The following CNR2 variants were observed in gnomAD, a reference collection of about 807,000 sequenced individuals.
CNR2 encodes the protein cannabinoid receptor 2 (macrophage).
For synonymous variants in CNR2, 172 were observed against 182.2 expected, an observed-to-expected ratio of 0.94 and a Z score of 0.45; for missense variants, 379 against 439.9, an observed-to-expected ratio of 0.86 and a Z score of 1.24.
At chr1:23,902,477 C>G (rs1249844773) in intron 1 of CNR2, 2 of 1,603,172 alleles carry the variant, frequency 1.2e-6, no homozygotes, top group Admixed American at 1.7e-5. Context: ...GCACCGTATC[C>G]GCTTCCAGAT....
At chr1:23,877,366 T>G in intron 1 of CNR2, among the ~76,000 whole-genome samples, 1 of 152,208 alleles carries the variant, frequency 6.6e-6, no homozygotes, top group South Asian at 2.1e-4. Context: ...CCGGGCACGG[T>G]GGCTCACGCC....
At chr1:23,902,408 G>C in intron 1 of CNR2, 1 of 1,587,662 alleles carries the variant, frequency 6.3e-7, no homozygotes, top group Non-Finnish European at 8.6e-7. Context: ...CCAGAAAGTT[G>C]ACGCAGGCTT....
intron 1 of CNR2, among the ~76,000 whole-genome samples, chr1:23,906,699 A>G (rs1328147363): frequency 1.3e-5 from 2 of 151,734 alleles, no homozygotes; most frequent in African/African-American, 4.8e-5. Context: ...ACTTCTTAAA[A>G]GTAATTTTAT....
Position 23,872,132 on chromosome 1 carries a change from C to CAAAAAAAAAAA in CNR2, c.*2392_*2402dup, listed in dbSNP as rs60331310. The stretch of plus-strand genomic sequence containing the variant: ...TGGACAACAGAATGAGATTCCGTCT[C>CAAAAAAAAAAA]AAAAAAAAAAAAAAAAAAAAAAAAG... On this transcript the variant is annotated 3_prime_UTR_variant, in exon 2 of 2. Transcript: ENST00000374472. 1 of 46,414 alleles carries CAAAAAAAAAAA rather than the reference C, an allele frequency of 2.2e-5. No homozygotes were observed. The highest frequency in any genetic ancestry group is 8.1e-5 in the African/African-American group (1 of 12,310). 2.9% of individuals were successfully genotyped at this position (46,414 alleles called of 1,614,324 possible).
intron 1 of CNR2, among the ~76,000 whole-genome samples, chr1:23,908,238 C>A (rs1369525501): frequency 6.6e-6 from 1 of 152,032 alleles, no homozygotes; most frequent in Non-Finnish European, 1.5e-5. Flanking sequence ...CTGGGCCTCC[C>A]AAAGTGCTGG....
chr1:23,902,043 G>A, intron 1 of CNR2: 2 of 1,593,386 alleles, frequency 1.3e-6, no homozygotes, highest in Non-Finnish European at 1.7e-6. Flanking sequence ...TGTCTGACTG[G>A]GCAGCGCCGT....
chr1:23,908,512 G>A (rs4387128), intron 1 of CNR2, among the ~76,000 whole-genome samples: 145,406 of 152,290 alleles, frequency 0.95, 69,773 homozygotes, highest in East Asian at 1. Flanking sequence ...TAAAAAAATG[G>A]AAACAGGCAT....
chr1:23,878,658 C>A (rs982058135), intron 1 of CNR2, among the ~76,000 whole-genome samples: 5 of 152,152 alleles, frequency 3.3e-5, no homozygotes, highest in African/African-American at 1.2e-4. Context: ...GGATTATAGG[C>A]GTGAGCCACC....
chr1:23,904,377 T>C (rs960379097), intron 1 of CNR2, among the ~76,000 whole-genome samples: 1 of 152,056 alleles, frequency 6.6e-6, no homozygotes, highest in African/African-American at 2.4e-5. Context: ...GGCTTCACCA[T>C]GTTGGCCAGG....
rs1050808646 is a variant in CNR2, at chr1:23,871,559, G to C, written c.*2976C>G. Reference sequence around the variant, plus strand: ...CCAGATCCCTTCAGATGCTCTGCTGGGTCCTGACTGAGCACTGGGGATGCA... The same window carrying C: ...CCAGATCCCTTCAGATGCTCTGCTGCGTCCTGACTGAGCACTGGGGATGCA... On this transcript the variant is annotated 3_prime_UTR_variant, in exon 2 of 2. Transcript: ENST00000374472. 1 of 152,190 alleles carries C rather than the reference G, an allele frequency of 6.6e-6. No homozygotes were observed. The highest frequency in any genetic ancestry group is 2.4e-5 in the African/African-American group (1 of 41,432). 9.4% of individuals were successfully genotyped at this position (152,190 alleles called of 1,614,324 possible).
At chr1:23,886,310 A>G (rs1193639920) in intron 1 of CNR2, among the ~76,000 whole-genome samples, 1 of 152,166 alleles carries the variant, frequency 6.6e-6, no homozygotes, top group Admixed American at 6.6e-5. Flanking sequence ...TGCAATCTGC[A>G]TAACCCCTGT....
intron 1 of CNR2, chr1:23,907,894 G>C (rs11488709): frequency 1.3e-5 from 2 of 150,656 alleles, no homozygotes; most frequent in Non-Finnish European, 3.0e-5. Context: ...ACGATGTAAA[G>C]CCATATATCA....
At chr1:23,886,425 C>T (rs1557526931) in intron 1 of CNR2, among the ~76,000 whole-genome samples, 1 of 152,166 alleles carries the variant, frequency 6.6e-6, no homozygotes, top group Non-Finnish European at 1.5e-5. Context: ...TTTCCTGTTG[C>T]TCTGTGCGTC....
rs1026653833 is a variant in CNR2 at position 23,901,771 on chromosome 1, G to A, written c.-46+11475C>T. 5 of 1,477,584 alleles carry A rather than the reference G, an allele frequency of 3.4e-6. No individual in the cohort carries two copies. The African/African-American group carries it at 4.2e-5, about 12-fold the overall frequency. The allele number at this position is 1,477,584 out of a possible 1,614,324, so 91.5% of individuals were successfully genotyped here. A position where few individuals can be genotyped will look rare whatever the true frequency, so the allele number is the denominator to read the frequency against. On this transcript the variant is annotated intron_variant, in intron 1 of 1. Transcript: ENST00000374472. ...CAAGCCTCTTGAGCTCAATCTTCAC[G>A]CTGTACTCAGCCTTCCCAGAGCTGG...
At chr1:23,901,100 C>T (rs971027433) in intron 1 of CNR2, among the ~76,000 whole-genome samples, 23 of 152,008 alleles carry the variant, frequency 1.5e-4, no homozygotes, top group African/African-American at 4.8e-4. Flanking sequence ...GACTTTTTGC[C>T]GATTTTAGAT....
chr1:23,880,195 TGAGA>T (rs1639955516), intron 1 of CNR2, among the ~76,000 whole-genome samples: 2 of 150,666 alleles, frequency 1.3e-5, no homozygotes. Context: ...CTTTTTTTTT[TGAGA>T]CGGAGTCTCA....
intron 1 of CNR2, among the ~76,000 whole-genome samples, chr1:23,889,534 G>A (rs748438091): frequency 3.3e-5 from 5 of 152,096 alleles, no homozygotes; most frequent in Non-Finnish European, 7.4e-5. Flanking sequence ...ATATTGCTCA[G>A]GCTGGTCTCA....
At chr1:23,897,958 G>A (rs1447744117) in intron 1 of CNR2, among the ~76,000 whole-genome samples, 1 of 152,108 alleles carries the variant, frequency 6.6e-6, no homozygotes, top group Non-Finnish European at 1.5e-5. Context: ...CACTGTGAAA[G>A]GCCTTTTACA....
In CNR2 at chr1:23,875,014, A is replaced by G; in HGVS notation, c.604T>C (p.Phe202Leu). 1 of 1,609,142 alleles carries G rather than the reference A, an allele frequency of 6.2e-7. No individual in the cohort carries two copies. Among genetic ancestry groups the G allele is most frequent in the Non-Finnish European group, 8.5e-7 (1 of 1,177,686 alleles). Residue 202 changes from phenylalanine to leucine, a missense_variant, in exon 2 of 2, where the codon TTT becomes CTT. Physicochemically the swap from Phe to Leu is conservative, Grantham distance 22. Transcript: ENST00000374472. ...CCATAGGTGTAGATGATTCCGGAAA[A>G]GAGGAAGGCGATGAACAGGAGCCAG... is the stretch of plus-strand genomic sequence containing the variant. Reference protein sequence around the residue: ...LSWLLFIAFLFSGIIYTYGHV... With the variant: ...LSWLLFIAFLLSGIIYTYGHV...
Sources: allele counts gnomAD v4.1 joint callset (sites outside exome capture counted in the v4.1 genomes callset), GRCh38; gene constraint gnomAD v4.1.1; transcripts MANE v1.5; gene names NCBI Gene and HGNC (gene_info 2026-07-23, HGNC 2026-07-21).